TMCO1: variants seen among roughly 807,000 people sequenced by gnomAD.
TMCO1 encodes the protein transmembrane and coiled-coil domains 1.
Under a neutral mutation model 29.3 loss-of-function variants are expected in TMCO1, and 29 were observed. The observed-to-expected ratio is 0.99, with a 90% CI of 0.74 to 1.35. The LOEUF (loss-of-function observed/expected upper bound fraction) is 1.35. Among genes scored for constraint, TMCO1 ranks in the 40% most tolerant of loss-of-function variants. TMCO1 has a pLI of 0.00. For synonymous variants in TMCO1, 80 were observed against 77.1 expected, an observed-to-expected ratio of 1.04 and a Z score of -0.20; for missense variants, 173 against 225.5, an observed-to-expected ratio of 0.77 and a Z score of 1.49.
rs150384701 is a variant in TMCO1 at position 165,752,066 on chromosome 1, T to C, written c.323+36A>G. 1,021 of 1,472,522 alleles carry C rather than the reference T, an allele frequency of 6.9e-4. 7 individuals carry two copies. The African/African-American group carries it at 0.013, about 18-fold the overall frequency. The allele number at this position is 1,472,522 out of a possible 1,614,324, so 91.2% of individuals were successfully genotyped here. A position where few individuals can be genotyped will look rare whatever the true frequency, so the allele number is the denominator to read the frequency against. On this transcript the variant is annotated intron_variant, in intron 5 of 6. Transcript: ENST00000367881. ...TAACATACATACAAATATAGAGTAATAGTTATTAGTCAAAAGCATATAAAA... is the reference window on the plus strand; with the variant it reads ...TAACATACATACAAATATAGAGTAACAGTTATTAGTCAAAAGCATATAAAA...
chr1:165,735,195 A>G (rs1651320312), intron 6 of TMCO1, among the ~76,000 whole-genome samples: 1 of 152,080 alleles, frequency 6.6e-6, no homozygotes, highest in Admixed American at 6.6e-5. Flanking sequence ...TATCTTTCCA[A>G]TGAAAATGTC....
At chr1:165,752,202 C>G in intron 4 of TMCO1, 33 bp from the exon 5 acceptor site, 1 of 1,516,488 alleles carries the variant, frequency 6.6e-7, no homozygotes, top group Non-Finnish European at 9.1e-7. Context: ...TCATTTTACA[C>G]TAAAAAAAAA....
Position 165,726,978 on chromosome 1 carries a change from C to A in TMCO1, c.*1045G>T, listed in dbSNP as rs1650919729. The stretch of plus-strand genomic sequence containing the variant: ...TTACCTTGAAAATTATGTGTTTTTT[C>A]TCACTGGTAGAATACTCACATTTAA... On this transcript the variant is annotated 3_prime_UTR_variant, in exon 7 of 7. Coordinates refer to ENST00000367881, the MANE Select transcript of TMCO1 (RefSeq NM_019026.6). The A allele has an allele frequency of 2.2e-6, 1 of 453,744 alleles. No homozygotes were observed. The highest frequency in any genetic ancestry group is 1.6e-5 in the South Asian group (1 of 64,428). The allele number at this position is 453,744 out of a possible 1,614,324, so 28.1% of individuals were successfully genotyped here. A position where few individuals can be genotyped will look rare whatever the true frequency, so the allele number is the denominator to read the frequency against.
intron 4 of TMCO1, 61 bp from the exon 5 acceptor site, chr1:165,752,230 T>G: frequency 6.0e-6 from 6 of 1,003,334 alleles, no homozygotes; most frequent in Non-Finnish European, 9.2e-6. Context: ...AAAGCATATC[T>G]CAAAAGTTTT....
chr1:165,726,479 C>A (rs1281974251), downstream of TMCO1: 1 of 541,070 alleles, frequency 1.8e-6, no homozygotes. Flanking sequence ...ACAGCCTGGA[C>A]TATTAGGCTT....
intron 5 of TMCO1, among the ~76,000 whole-genome samples, chr1:165,749,632 C>T (rs777368962): frequency 2.0e-5 from 3 of 151,940 alleles, no homozygotes; most frequent in Non-Finnish European, 4.4e-5. Flanking sequence ...CACTGCACTC[C>T]GGCCTGGGTA....
At chr1:165,744,781 ACTC>A (rs140747181) in intron 5 of TMCO1, among the ~76,000 whole-genome samples, 8,263 of 124,500 alleles carry the variant, frequency 0.066, 326 homozygotes, top group Non-Finnish European at 0.093. Flanking sequence ...CAAGAGCAAA[ACTC>A]CATCTCAAAA....
rs919566831 is a variant in TMCO1 at position 165,727,174 on chromosome 1, A to G, written c.*849T>C. 8 of 454,010 alleles carry G rather than the reference A, an allele frequency of 1.8e-5. No homozygotes were observed. The highest frequency in any genetic ancestry group is 1.0e-4 in the African/African-American group (5 of 50,028). The allele number at this position is 454,010 out of a possible 1,614,324, so 28.1% of individuals were successfully genotyped here. A position where few individuals can be genotyped will look rare whatever the true frequency, so the allele number is the denominator to read the frequency against. ...AAGGAAGCTCTGCGAGATTAACAAC[A>G]TATAACTATAACCTTGTCTCCAAGG... is the stretch of plus-strand genomic sequence containing the variant. On this transcript the variant is annotated 3_prime_UTR_variant, in exon 7 of 7. Coordinates refer to ENST00000367881, the MANE Select transcript of TMCO1 (RefSeq NM_019026.6).
chr1:165,749,617 T>C (rs568154213), intron 5 of TMCO1, among the ~76,000 whole-genome samples: 5 of 152,296 alleles, frequency 3.3e-5, no homozygotes, highest in South Asian at 4.1e-4. Flanking sequence ...GGGCAATGAC[T>C]GCACCACTGC....
At chr1:165,730,254 C>T (rs1019902807) in intron 6 of TMCO1, among the ~76,000 whole-genome samples, 1 of 151,874 alleles carries the variant, frequency 6.6e-6, no homozygotes, top group Non-Finnish European at 1.5e-5. Context: ...GAGAATGGCA[C>T]GAACCCCAGG....
At chr1:165,761,513 C>T (rs762477664) in intron 2 of TMCO1, among the ~76,000 whole-genome samples, 2 of 150,928 alleles carry the variant, frequency 1.3e-5, no homozygotes, top group South Asian at 2.1e-4. Context: ...CCAGCCTATG[C>T]GAGAGCGAGA....
At position 165,768,579 on chromosome 1, in the gene TMCO1, C is replaced by T. The variant is rs1033113247; in HGVS notation, c.70+103G>A. 9 of 1,594,574 alleles carry T rather than the reference C, an allele frequency of 5.6e-6. No individual in the cohort carries two copies. In the African/African-American group the frequency reaches 9.4e-5, roughly 17 times the overall value. On this transcript the variant is annotated intron_variant, in intron 1 of 6. Coordinates refer to ENST00000367881, the MANE Select transcript of TMCO1 (RefSeq NM_019026.6). ...TCCCTGAAGTGGAGTAGATGAGCCT[C>T]TCAAGCAAGTAAGGCTCGCGATCTT...
At chr1:165,759,124 C>T (rs1652305460) in intron 3 of TMCO1, among the ~76,000 whole-genome samples, 1 of 152,084 alleles carries the variant, frequency 6.6e-6, no homozygotes, top group African/African-American at 2.4e-5. Flanking sequence ...AATTTCCTAC[C>T]CCTTGGTGGA....
chr1:165,726,762 G>A, downstream of TMCO1: 1 of 453,658 alleles, frequency 2.2e-6, no homozygotes, highest in Non-Finnish European at 4.4e-6. Context: ...TTTTGTCCTT[G>A]GAATATAACC....
chr1:165,733,610 AAAAG>A (rs1219694631), intron 6 of TMCO1, among the ~76,000 whole-genome samples: 8 of 149,716 alleles, frequency 5.3e-5, no homozygotes, highest in Non-Finnish European at 1.2e-4. Flanking sequence ...AAAACAAAAA[AAAAG>A]AAAGAAATAT....
At chr1:165,752,497 C>G (rs938794713) in intron 4 of TMCO1, among the ~76,000 whole-genome samples, 4 of 151,680 alleles carry the variant, frequency 2.6e-5, no homozygotes, top group Non-Finnish European at 4.4e-5. Flanking sequence ...CCTTGTGACC[C>G]CCCCGCCTCG....
intron 3 of TMCO1, among the ~76,000 whole-genome samples, chr1:165,758,331 G>A (rs7522083): frequency 0.037 from 5,632 of 152,118 alleles, 327 homozygotes; most frequent in African/African-American, 0.13. Flanking sequence ...TTGAGGCGGC[G>A]GATCACCTGA....
intron 5 of TMCO1, among the ~76,000 whole-genome samples, chr1:165,750,632 C>A (rs1571223418): frequency 6.6e-6 from 1 of 150,858 alleles, no homozygotes; most frequent in South Asian, 2.1e-4. Context: ...GAAATTAATA[C>A]ATATATCATG....
At chr1:165,752,663 G>A (rs951740362) in intron 4 of TMCO1, among the ~76,000 whole-genome samples, 2 of 151,258 alleles carry the variant, frequency 1.3e-5, no homozygotes, top group African/African-American at 2.4e-5. Context: ...GCGTACTGGC[G>A]GGTGCCTGTA....
Sources: gnomAD v4.1 joint callset for allele counts (sites outside exome capture counted in the v4.1 genomes callset) on GRCh38, gnomAD v4.1.1 for gene constraint, MANE v1.5 for transcripts, NCBI Gene and HGNC (gene_info 2026-07-23, HGNC 2026-07-21) for gene names.